The following MTRFR variants were observed in gnomAD, a reference collection of about 807,000 sequenced individuals.
MTRFR encodes the protein probable peptide chain release factor C12orf65, mitochondrial.
MTRFR carries 10 observed loss-of-function variants against 11.9 expected under a neutral mutation model. That is an observed-to-expected ratio of 0.84 (90% CI 0.52 to 1.42). The LOEUF is 1.42. Ranked by LOEUF, MTRFR falls within the 40% of genes most tolerant of loss-of-function variation. MTRFR has a pLI of 0.00. For synonymous variants in MTRFR, 77 were observed against 79.1 expected (o/e 0.97, Z 0.14); for missense variants, 196 against 197.9 (o/e 0.99, Z 0.06).
At chr12:123,248,147 G>T (rs893707289) in intron 1 of MTRFR, 1 of 152,150 alleles carries the variant, frequency 6.6e-6, no homozygotes, top group Admixed American at 6.5e-5. Context: ...AGCAGTTTTT[G>T]TAGCAGTGGC....
chr12:123,250,972 C>T (rs1433920376), intron 1 of MTRFR: 1 of 152,204 alleles, frequency 6.6e-6, no homozygotes, highest in African/African-American at 2.4e-5. Context: ...TGGAGCTAGG[C>T]GTGTCTGAGC....
intron 1 of MTRFR, among the ~76,000 whole-genome samples, chr12:123,253,070 ATTTTTTTTTTTTTTTTTTTTT>A (rs71085872): frequency 0.054 from 1,867 of 34,868 alleles, 93 homozygotes; most frequent in Admixed American, 0.079. Context: ...GTTCCTTTGA[ATTTTTTTTTTTTTTTTTTTTT>A]TTTTTTTTTT....
chr12:123,237,830 C>T (rs1048425948), intron 1 of MTRFR, among the ~76,000 whole-genome samples: 1 of 152,120 alleles, frequency 6.6e-6, no homozygotes, highest in Admixed American at 6.6e-5. Flanking sequence ...GATGAGCTAA[C>T]AGGAGGATGT....
intron 2 of MTRFR, among the ~76,000 whole-genome samples, chr12:123,255,603 T>C (rs1429950923): frequency 1.3e-5 from 2 of 151,646 alleles, no homozygotes; most frequent in Admixed American, 6.6e-5. Flanking sequence ...ACTGCAGGCA[T>C]GCCCCACCAC....
intron 1 of MTRFR, among the ~76,000 whole-genome samples, chr12:123,234,410 A>C (rs1415544058): frequency 1.4e-5 from 2 of 140,594 alleles, no homozygotes; most frequent in African/African-American, 2.7e-5. Context: ...GGAGGGGGGT[A>C]GGGGGGACAA....
chr12:123,234,113 A>G (rs1437475728), intron 1 of MTRFR, among the ~76,000 whole-genome samples: 2 of 151,944 alleles, frequency 1.3e-5, no homozygotes, highest in East Asian at 3.9e-4. Flanking sequence ...TTGAAGGACC[A>G]AAGGGAACTC....
In MTRFR at chr12:123,245,994, G is replaced by A. The variant is rs184417608; in HGVS notation, c.-28-7653G>A. 1.6e-3 allele frequency among the ~76,000 whole-genome samples: 242 copies of A among 152,244 alleles called. 1 individual carries two copies. The highest frequency in any genetic ancestry group is 5.4e-3 in the African/African-American group (223 of 41,538). On this transcript the variant is annotated intron_variant, in intron 1 of 2. Transcript: ENST00000253233. Reference sequence around the variant, plus strand: ...CTTGTCTTGTTCCAATTCTCAGGGGGAACAGTTTCAACTTTTCCCCATTGA... The same window carrying A: ...CTTGTCTTGTTCCAATTCTCAGGGGAAACAGTTTCAACTTTTCCCCATTGA...
At chr12:123,237,055 A>G (rs2047862451) in intron 1 of MTRFR, among the ~76,000 whole-genome samples, 1 of 152,098 alleles carries the variant, frequency 6.6e-6, no homozygotes, top group African/African-American at 2.4e-5. Context: ...ACTGCAGTCC[A>G]GGCTGGGTGA....
chr12:123,234,560 T>C (rs1458402845), intron 1 of MTRFR, among the ~76,000 whole-genome samples: 1 of 152,032 alleles, frequency 6.6e-6, no homozygotes, highest in Non-Finnish European at 1.5e-5. Flanking sequence ...CACATCCGGC[T>C]AATTTTTTGT....
intron 2 of MTRFR, chr12:123,255,026 T>G (rs754796181): frequency 3.3e-5 from 5 of 151,946 alleles, no homozygotes; most frequent in African/African-American, 1.2e-4. Flanking sequence ...AGAAGAGAGA[T>G]AGCCAAGGCA....
chr12:123,253,230 T>C (rs140285714), intron 1 of MTRFR, among the ~76,000 whole-genome samples: 1 of 151,376 alleles, frequency 6.6e-6, no homozygotes, highest in African/African-American at 2.4e-5. Context: ...TTAGTAGAGA[T>C]AGTTTCATCA....
At chr12:123,255,166 A>G (rs1659173799) in intron 2 of MTRFR, 1 of 152,240 alleles carries the variant, frequency 6.6e-6, no homozygotes, top group Admixed American at 6.5e-5. Flanking sequence ...ATCACAGTAC[A>G]GGTGTGGAAT....
At chr12:123,246,739 T>C (rs1195873966) in intron 1 of MTRFR, among the ~76,000 whole-genome samples, 1 of 77,238 alleles carries the variant, frequency 1.3e-5, no homozygotes, top group African/African-American at 4.2e-5. Context: ...TTTTTTTTTT[T>C]TTTTTTTTTG....
intron 1 of MTRFR, among the ~76,000 whole-genome samples, chr12:123,235,274 C>T (rs1159359758): frequency 1.3e-5 from 2 of 152,168 alleles, no homozygotes; most frequent in African/African-American, 4.8e-5. Flanking sequence ...TAAATTGTGG[C>T]ATTGAGACAT....
chr12:123,234,876 A>G (rs1292613018), intron 1 of MTRFR, among the ~76,000 whole-genome samples: 1 of 152,240 alleles, frequency 6.6e-6, no homozygotes. Flanking sequence ...TGATCTCCTT[A>G]GTACCTGATT....
intron 1 of MTRFR, among the ~76,000 whole-genome samples, chr12:123,251,872 A>G (rs925535726): frequency 6.6e-6 from 1 of 152,174 alleles, no homozygotes; most frequent in Non-Finnish European, 1.5e-5. Context: ...AGGAGCTCCC[A>G]TGCAAATAAA....
chr12:123,246,283 T>C (rs11057206), intron 1 of MTRFR, among the ~76,000 whole-genome samples: 97,115 of 151,912 alleles, frequency 0.64, 35,480 homozygotes, highest in East Asian at 1. Context: ...GAACTCCCAA[T>C]CTCAGGTGAT....
At chr12:123,253,532 G>C in intron 1 of MTRFR, 115 bp from the exon 2 acceptor site, 2 of 1,005,858 alleles carry the variant, frequency 2.0e-6, no homozygotes, top group Non-Finnish European at 3.0e-6. Context: ...AAATTCCCTC[G>C]GTAACAGATG....
At position 123,253,737 on chromosome 12, in the gene MTRFR, G is replaced by C. The variant is rs1270440633; in HGVS notation, c.63G>C (p.Trp21Cys). ...TPLTRICPAP[W>C]GLRLWEKLTL... ...TGACCCGAATATGCCCGGCGCCATG[G>C]GGACTCCGGCTTTGGGAGAAGCTGA... The change falls in exon 2 of 3, where the codon TGG (tryptophan) becomes TGC (cysteine). Residue 21 changes from tryptophan (W) to cysteine (C), a missense_variant. Trp to Cys is a radical substitution (Grantham distance 215). Transcript: ENST00000253233. 1 of 1,614,120 alleles carries C rather than the reference G, an allele frequency of 6.2e-7. No individual in the cohort carries two copies. Among genetic ancestry groups the C allele is most frequent in the Admixed American group, 1.7e-5 (1 of 60,010 alleles).
Sources: allele counts gnomAD v4.1 joint callset (sites outside exome capture counted in the v4.1 genomes callset), GRCh38; gene constraint gnomAD v4.1.1; transcripts MANE v1.5; gene names NCBI Gene and HGNC (gene_info 2026-07-23, HGNC 2026-07-21).